SCAPER: variants seen among roughly 807,000 people sequenced by gnomAD.
The protein encoded by SCAPER is S phase cyclin A-associated protein in the endoplasmic reticulum.
Under a neutral mutation model 182.2 loss-of-function variants are expected in SCAPER, and 98 were observed. The observed-to-expected ratio is 0.54, with a 90% CI of 0.46 to 0.64. SCAPER has a LOEUF of 0.64. Among genes scored for constraint, SCAPER ranks in the 30% least tolerant of loss-of-function variants. The pLI, the probability that SCAPER is intolerant of heterozygous loss-of-function variation, is 0.00. For missense variants in SCAPER, 1,432 were observed against 1,690.0 expected (o/e 0.85, Z 2.68); for synonymous variants, 605 against 564.6 (o/e 1.07, Z -1.01).
chr15:76,710,144 T>C (rs960347046), intron 17 of SCAPER, among the ~76,000 whole-genome samples: 2 of 152,034 alleles, frequency 1.3e-5, no homozygotes, highest in Non-Finnish European at 1.5e-5. Flanking sequence ...GAACATTACA[T>C]AGAAGGAGCA....
In SCAPER at chr15:76,603,118, T is replaced by C. The variant is rs56400723; in HGVS notation, c.2711+18646A>G. 5.7e-3 allele frequency among the ~76,000 whole-genome samples: 668 copies of C among 118,156 alleles called. 65 individuals carry two copies. Among genetic ancestry groups the C allele is most frequent in the African/African-American group, 0.016 (634 of 39,216 alleles). The allele number at this position is 118,156 out of a possible 152,430, so 77.5% of individuals were successfully genotyped here. ...GTTACATATGTATACATGTGCCACG[T>C]TGGTGTGCTGCACCCATTAACTCGT... On this transcript the variant is annotated intron_variant, in intron 22 of 31. Coordinates refer to ENST00000563290, the MANE Select transcript of SCAPER (RefSeq NM_020843.4).
At chr15:76,590,342 A>G (rs535010348) in intron 22 of SCAPER, among the ~76,000 whole-genome samples, 1 of 152,328 alleles carries the variant, frequency 6.6e-6, no homozygotes, top group East Asian at 1.9e-4. Context: ...GAAAACATGG[A>G]AAATGTATTT....
At chr15:76,656,029 C>A (rs535038246) in intron 21 of SCAPER, among the ~76,000 whole-genome samples, 1 of 152,078 alleles carries the variant, frequency 6.6e-6, no homozygotes, top group Non-Finnish European at 1.5e-5. Context: ...CAGCTAACAA[C>A]GTGACAGGAT....
Position 76,404,783 on chromosome 15 carries a change from T to C in SCAPER, c.3312-104A>G, listed in dbSNP as rs879399782. The C allele has an allele frequency of 4.2e-5, 45 of 1,082,284 alleles. 1 individual carries two copies. In the South Asian group the frequency reaches 8.6e-4, roughly 21 times the overall value. 67.0% of individuals were successfully genotyped at this position (1,082,284 alleles called of 1,614,324 possible). On this transcript the variant is annotated intron_variant, in intron 26 of 31. Transcript: ENST00000563290. ...TACACAGGCTTGGACCCCTCAAACA[T>C]GCAGACACAACACAAGTTTGAGTAA...
At chr15:76,610,311 T>C (rs1176822134) in intron 22 of SCAPER, among the ~76,000 whole-genome samples, 1 of 152,122 alleles carries the variant, frequency 6.6e-6, no homozygotes, top group Admixed American at 6.6e-5. Flanking sequence ...CAAGCATGAC[T>C]ATCACACAAG....
At chr15:76,880,737 C>A (rs1463529831) in intron 2 of SCAPER, among the ~76,000 whole-genome samples, 1 of 151,342 alleles carries the variant, frequency 6.6e-6, no homozygotes, top group Non-Finnish European at 1.5e-5. Context: ...AAAAAAACTC[C>A]CAAGATACTA....
rs550001637 is a variant in SCAPER, at chr15:76,504,972, A to G, written c.2841T>C (p.Asn947=). 10 of 1,610,284 alleles carry G rather than the reference A, an allele frequency of 6.2e-6. No individual in the cohort carries two copies. In the Admixed American group the frequency reaches 6.7e-5, roughly 11 times the overall value. ...CTTGAAATGCAATCTGATCTGCCAC[A>G]TTCTAGACAGAAATACAAACAGAAG... ...GEITRILEKE[N]VADQIAFQAA... The change falls in exon 24 of 32, where the codon AAT becomes AAC. Residue 947 remains asparagine (N), a splice_region_variant and synonymous_variant. Transcript: ENST00000563290.
rs559459191 is a variant in SCAPER at position 76,705,168 on chromosome 15, T to C, written c.2247+735A>G. ...ACCCAAATGTCCAACATTGATAGAC[T>C]GGATTAAGAAAATGTGGCACATATA... On this transcript the variant is annotated intron_variant, in intron 18 of 31. Transcript: ENST00000563290. 3.0e-4 allele frequency among the ~76,000 whole-genome samples: 45 copies of C among 152,054 alleles called. 1 individual carries two copies. Among genetic ancestry groups the C allele is most frequent in the Non-Finnish European group, 1.2e-4 (8 of 67,982 alleles).
Position 76,585,943 on chromosome 15 carries a change from G to A in SCAPER, c.2712-11659C>T, listed in dbSNP as rs868201307. Among the ~76,000 whole-genome samples, 13 of 152,228 alleles carry A rather than the reference G, an allele frequency of 8.5e-5. No individual in the cohort carries two copies. The Middle Eastern group carries it at 0.01, about 119-fold the overall frequency. On this transcript the variant is annotated intron_variant, in intron 22 of 31. Transcript: ENST00000563290. The stretch of plus-strand genomic sequence containing the variant: ...GAAAGTTTTATTTGGATTCCTTCTG[G>A]CAGATAATTTTTCTAGCATGAAAAG...
intron 23 of SCAPER, among the ~76,000 whole-genome samples, chr15:76,566,549 G>A (rs2047049669): frequency 1.3e-5 from 2 of 151,958 alleles, no homozygotes; most frequent in Admixed American, 6.6e-5. Flanking sequence ...AAAGGTTCTG[G>A]GATGCTGTTA....
Position 76,604,279 on chromosome 15 carries a change from G to A in SCAPER, c.2711+17485C>T, listed in dbSNP as rs188531206. Among the ~76,000 whole-genome samples, 12 of 120,924 alleles carry A rather than the reference G, an allele frequency of 9.9e-5. No individual in the cohort carries two copies. The East Asian group carries it at 2.7e-3, about 27-fold the overall frequency. 79.3% of individuals were successfully genotyped at this position (120,924 alleles called of 152,430 possible). On this transcript the variant is annotated intron_variant, in intron 22 of 31. Coordinates refer to ENST00000563290, the MANE Select transcript of SCAPER (RefSeq NM_020843.4). ...TTGCCCAGCACCATTTATTAAATAG[G>A]GAATCCTTTCCCTATTGCTTGTTTT...
chr15:76,761,231 CTT>C (rs371779041), intron 14 of SCAPER, among the ~76,000 whole-genome samples: 1 of 151,978 alleles, frequency 6.6e-6, no homozygotes, highest in Non-Finnish European at 1.5e-5. Context: ...TTATTTGAGT[CTT>C]TTTTTCTTAG....
intron 24 of SCAPER, among the ~76,000 whole-genome samples, chr15:76,472,937 C>T (rs1289203429): frequency 2.0e-5 from 3 of 152,172 alleles, no homozygotes; most frequent in African/African-American, 7.2e-5. Flanking sequence ...CTCCCTTAAA[C>T]CCAAACTCTG....
At chr15:76,466,936 C>G (rs1179078819) in intron 25 of SCAPER, among the ~76,000 whole-genome samples, 1 of 152,038 alleles carries the variant, frequency 6.6e-6, no homozygotes. Flanking sequence ...GAATTGTAAC[C>G]TTCAATGTTG....
chr15:76,795,405 G>A lies in SCAPER; in HGVS notation c.647C>T (p.Ala216Val). The A allele has an allele frequency of 1.2e-6, 2 of 1,607,952 alleles. No homozygotes were observed. Among genetic ancestry groups the A allele is most frequent in the Admixed American group, 3.4e-5 (2 of 59,640 alleles). Residue 216 changes from alanine to valine, a missense_variant, in exon 8 of 32, where the codon GCT becomes GTT. Around this residue, in one of 5 missense-constraint regions of SCAPER, gnomAD observed 480 missense variants for 510.2 expected, o/e 0.94. Transcript: ENST00000563290. ...GTCAGCCCAACTGACACCTGTGGGAGCCAGACGAGGAGCTGGCACTGTGCC... is the reference window on the plus strand; with the variant it reads ...GTCAGCCCAACTGACACCTGTGGGAACCAGACGAGGAGCTGGCACTGTGCC... ...STGTVPAPRL[A>V]PTGVSWADKV...
intron 22 of SCAPER, among the ~76,000 whole-genome samples, chr15:76,578,921 T>C (rs1377673112): frequency 6.6e-6 from 1 of 152,120 alleles, no homozygotes; most frequent in African/African-American, 2.4e-5. Context: ...GAATTCGAAA[T>C]AGTTGTTTTG....
At chr15:76,900,109 A>G (rs1393234341) in intron 1 of SCAPER, among the ~76,000 whole-genome samples, 1 of 152,082 alleles carries the variant, frequency 6.6e-6, no homozygotes, top group Non-Finnish European at 1.5e-5. Flanking sequence ...GCGGCGCAAG[A>G]TGTGCTTTGT....
chr15:76,740,805 A>G (rs540635413), intron 15 of SCAPER, among the ~76,000 whole-genome samples: 1 of 152,292 alleles, frequency 6.6e-6, no homozygotes, highest in South Asian at 2.1e-4. Flanking sequence ...AGGAAAACTA[A>G]ACTGAGGAAT....
chr15:76,452,466 C>T (rs892312252), intron 25 of SCAPER, among the ~76,000 whole-genome samples: 4 of 152,190 alleles, frequency 2.6e-5, no homozygotes, highest in Non-Finnish European at 4.4e-5. Context: ...AGCTGTCATC[C>T]CCTTCGAGGA....
Sources: gnomAD v4.1 joint callset for allele counts (sites outside exome capture counted in the v4.1 genomes callset) on GRCh38, gnomAD v4.1.1 for gene constraint, gnomAD v4.1.1 regional missense constraint, MANE v1.5 for transcripts, NCBI Gene and HGNC (gene_info 2026-07-23, HGNC 2026-07-21) for gene names.